The following ADAMTS12 variants were observed in gnomAD, a reference collection of about 807,000 sequenced individuals.
ADAMTS12 encodes ADAM metallopeptidase with thrombospondin type 1 motif 12, also known as A disintegrin and metalloproteinase with thrombospondin motifs 12.
A neutral mutation model predicts 167.8 loss-of-function variants in ADAMTS12; 118 were observed. That is an observed-to-expected ratio of 0.70 (90% CI 0.61 to 0.82). The LOEUF is 0.82. Ranked by LOEUF, ADAMTS12 falls within the 40% of genes least tolerant of loss-of-function variation. ADAMTS12 has a pLI of 0.00. For missense variants in ADAMTS12, 1,916 were observed against 1,998.8 expected (o/e 0.96, Z 0.79); for synonymous variants, 704 against 716.9 (o/e 0.98, Z 0.29).
chr5:33,577,223 C>A, intron 18 of ADAMTS12, 63 bp from the exon 19 acceptor site: 2 of 1,607,572 alleles, frequency 1.2e-6, no homozygotes. Context: ...ATGGTTAGGT[C>A]TATAACAGAT....
Position 33,700,573 on chromosome 5 carries a change from C to T in ADAMTS12, c.635-16518G>A, listed in dbSNP as rs180747385. 1.2e-4 allele frequency among the ~76,000 whole-genome samples: 18 copies of T among 152,254 alleles called. No individual in the cohort carries two copies. In the East Asian group the frequency reaches 3.1e-3, roughly 26 times the overall value. On this transcript the variant is annotated intron_variant, in intron 3 of 23. Coordinates refer to ENST00000504830, the MANE Select transcript of ADAMTS12 (RefSeq NM_030955.4). ...GGTGGGTATGGTTATAAAAGATCAA[C>T]ATGAGGAATCTTTGGGGGCTGGAGC...
chr5:33,666,801 G>T (rs1222222428), intron 5 of ADAMTS12, among the ~76,000 whole-genome samples: 1 of 152,084 alleles, frequency 6.6e-6, no homozygotes, highest in Non-Finnish European at 1.5e-5. Context: ...ACCATACAGG[G>T]TCTTTTTAAG....
At chr5:33,828,407 C>G (rs1206523189) in intron 2 of ADAMTS12, among the ~76,000 whole-genome samples, 2 of 152,132 alleles carry the variant, frequency 1.3e-5, no homozygotes, top group African/African-American at 4.8e-5. Flanking sequence ...TGTCCTCTAT[C>G]TTTTAGACAC....
Position 33,849,391 on chromosome 5 carries a change from TATATATATATGTATTGCACAGCA to T in ADAMTS12, c.489+31705_489+31727del, listed in dbSNP as rs1468455469. Among the ~76,000 whole-genome samples, 94 of 144,326 alleles carry T rather than the reference TATATATATATGTATTGCACAGCA, an allele frequency of 6.5e-4. 3 individuals carry two copies. Among genetic ancestry groups the T allele is most frequent in the East Asian group, 2.9e-3 (14 of 4,798 alleles). The allele number at this position is 144,326 out of a possible 152,430, so 94.7% of individuals were successfully genotyped here. ...AATATATATATGTATTGCACAGCAA[TATATATATATGTATTGCACAGCA>T]ATATATATATGTATTGAATAGCAAT... On this transcript the variant is annotated intron_variant, in intron 2 of 23. Coordinates refer to ENST00000504830, the MANE Select transcript of ADAMTS12 (RefSeq NM_030955.4).
At chr5:33,847,606 A>T (rs1298870757) in intron 2 of ADAMTS12, among the ~76,000 whole-genome samples, 3 of 151,354 alleles carry the variant, frequency 2.0e-5, no homozygotes, top group Non-Finnish European at 4.4e-5. Context: ...CTGGGCAACA[A>T]GAGCAAAACT....
At chr5:33,762,529 T>A in intron 2 of ADAMTS12, among the ~76,000 whole-genome samples, 1 of 148,552 alleles carries the variant, frequency 6.7e-6, no homozygotes, top group Non-Finnish European at 1.5e-5. Context: ...AATAAATAAA[T>A]AAAGGAAAGA....
chr5:33,542,931 C>T (rs1744778857), intron 22 of ADAMTS12, among the ~76,000 whole-genome samples: 1 of 152,054 alleles, frequency 6.6e-6, no homozygotes, highest in South Asian at 2.1e-4. Flanking sequence ...AAAATCGACA[C>T]CCTAACATCA....
At position 33,624,341 on chromosome 5, in the gene ADAMTS12, C is replaced by G. The variant is rs776964928; in HGVS notation, c.2033G>C (p.Cys678Ser). The G allele has an allele frequency of 1.9e-6, 3 of 1,614,046 alleles. No homozygotes were observed. The South Asian group carries it at 3.3e-5, about 18-fold the overall frequency. ...CINGICKMVG[C>S]DYEIDSNATE... ...GGCATTGGAATCGATCTCATAGTCACAGCCAACCATCTGTGGGGAAGAGAG... is the reference window on the plus strand; with the variant it reads ...GGCATTGGAATCGATCTCATAGTCAGAGCCAACCATCTGTGGGGAAGAGAG... Residue 678 changes from cysteine (C) to serine (S), a missense_variant, in exon 14 of 24, where the codon TGT becomes TCT. By Grantham distance (112) the Cys-to-Ser change is moderately radical. Coordinates refer to ENST00000504830, the MANE Select transcript of ADAMTS12 (RefSeq NM_030955.4).
intron 2 of ADAMTS12, among the ~76,000 whole-genome samples, chr5:33,813,573 C>A (rs1381794625): frequency 6.6e-6 from 1 of 152,224 alleles, no homozygotes; most frequent in Non-Finnish European, 1.5e-5. Flanking sequence ...ACTGCCAGTT[C>A]TGAGCCTAAC....
chr5:33,564,863 G>A (rs942846338), intron 19 of ADAMTS12, among the ~76,000 whole-genome samples: 1 of 152,174 alleles, frequency 6.6e-6, no homozygotes, highest in Non-Finnish European at 1.5e-5. Context: ...AAACCACTGG[G>A]TCTTAGACTA....
intron 2 of ADAMTS12, among the ~76,000 whole-genome samples, chr5:33,761,293 C>T (rs1166757664): frequency 6.6e-6 from 1 of 152,208 alleles, no homozygotes; most frequent in Non-Finnish European, 1.5e-5. Context: ...TGAGGGAGTG[C>T]TCCCACCCTG....
At chr5:33,710,463 T>G (rs558392416) in intron 3 of ADAMTS12, among the ~76,000 whole-genome samples, 2 of 152,144 alleles carry the variant, frequency 1.3e-5, no homozygotes, top group African/African-American at 4.8e-5. Flanking sequence ...TGATCTCAAA[T>G]TGTCAAGTCT....
Position 33,782,519 on chromosome 5 carries a change from A to C in ADAMTS12, c.490-30971T>G, listed in dbSNP as rs1746170578. On this transcript the variant is annotated intron_variant, in intron 2 of 23. Coordinates refer to ENST00000504830, the MANE Select transcript of ADAMTS12 (RefSeq NM_030955.4). Reference sequence around the variant, plus strand: ...TTGTCATATAAAATAAAAAAGTAAGACCCAACCAAAATCTGTCTACAAGAA... The same window carrying C: ...TTGTCATATAAAATAAAAAAGTAAGCCCCAACCAAAATCTGTCTACAAGAA... Among the ~76,000 whole-genome samples, 4 of 152,208 alleles carry C rather than the reference A, an allele frequency of 2.6e-5. No homozygotes were observed. In the South Asian group the frequency reaches 8.3e-4, roughly 32 times the overall value.
chr5:33,593,339 G>A (rs1256970948), intron 17 of ADAMTS12, among the ~76,000 whole-genome samples: 1 of 152,146 alleles, frequency 6.6e-6, no homozygotes, highest in African/African-American at 2.4e-5. Context: ...GCAGCAGCAT[G>A]GTGTAGCAGC....
intron 3 of ADAMTS12, among the ~76,000 whole-genome samples, chr5:33,731,069 G>C (rs560965548): frequency 6.6e-6 from 1 of 152,238 alleles, no homozygotes; most frequent in South Asian, 2.1e-4. Context: ...ATTAAATAAG[G>C]GATGTTTGTA....
At chr5:33,554,426 C>T (rs1470601231) in intron 20 of ADAMTS12, among the ~76,000 whole-genome samples, 5 of 152,150 alleles carry the variant, frequency 3.3e-5, no homozygotes, top group African/African-American at 9.7e-5. Context: ...ATTGCCACTC[C>T]TCCAACCACT....
intron 2 of ADAMTS12, among the ~76,000 whole-genome samples, chr5:33,858,247 C>CA (rs1466812940): frequency 6.6e-6 from 1 of 152,128 alleles, no homozygotes; most frequent in African/African-American, 2.4e-5. Flanking sequence ...GAAAAAGTCT[C>CA]AAACAAATTA....
At chr5:33,625,667 T>C (rs1225180472) in intron 13 of ADAMTS12, among the ~76,000 whole-genome samples, 1 of 152,154 alleles carries the variant, frequency 6.6e-6, no homozygotes, top group Admixed American at 6.5e-5. Flanking sequence ...AGTTTTATAT[T>C]TCTAAAGTAA....
intron 18 of ADAMTS12, among the ~76,000 whole-genome samples, chr5:33,579,290 T>C (rs6866077): frequency 0.2 from 30,790 of 152,210 alleles, 3,295 homozygotes; most frequent in South Asian, 0.27. Flanking sequence ...CACATTTCCA[T>C]GCTGGCTGCC....
Sources: gnomAD v4.1 joint callset for allele counts (sites outside exome capture counted in the v4.1 genomes callset) on GRCh38, gnomAD v4.1.1 for gene constraint, MANE v1.5 for transcripts, NCBI Gene and HGNC (gene_info 2026-07-23, HGNC 2026-07-21) for gene names.